BOK: variants seen among roughly 807,000 people sequenced by gnomAD.
The protein encoded by BOK is bcl-2-related ovarian killer protein.
BOK carries 20 observed loss-of-function variants against 18.3 expected under a neutral mutation model. That is an observed-to-expected ratio of 1.09 (90% confidence interval 0.77 to 1.59). The LOEUF (loss-of-function observed/expected upper bound fraction) is 1.59. BOK is among the 40% of genes most tolerant of loss of function. The pLI, the probability that BOK is intolerant of heterozygous loss-of-function variation, is 0.00. For missense variants in BOK, 348 were observed against 307.9 expected (o/e 1.13, Z -0.97); for synonymous variants, 173 against 142.4 (o/e 1.21, Z -1.53).
chr2:241,560,131 G>A (rs1318037074), intron 2 of BOK: 1 of 985,242 alleles, frequency 1.0e-6, no homozygotes, highest in Non-Finnish European at 1.2e-6. Context: ...GGCCTCCGAG[G>A]CCCCCCCATT....
intron 4 of BOK, 101 bp from the exon 5 acceptor site, chr2:241,572,196 A>G (rs1559207271): frequency 1.3e-6 from 2 of 1,520,298 alleles, no homozygotes; most frequent in East Asian, 2.3e-5. Flanking sequence ...CCTTCATGCA[A>G]TTTTGCTGAT....
chr2:241,564,264 A>T (rs1559202380), intron 3 of BOK, among the ~76,000 whole-genome samples: 1 of 152,036 alleles, frequency 6.6e-6, no homozygotes, highest in East Asian at 1.9e-4. Flanking sequence ...ACACCTGGGG[A>T]GGGGCAGTGA....
rs2066745137 is a variant in BOK at position 241,572,785 on chromosome 2, G to GAACAA, written c.*363_*364insAACAA. On this transcript the variant is annotated 3_prime_UTR_variant, in exon 5 of 5. Coordinates refer to ENST00000318407, the MANE Select transcript of BOK (RefSeq NM_032515.5). ...CCTGAGCCCCAGGTGAAGGGGCCCG[G>GAACAA]GAACACCTGCTCTCACCTGAGCCCC... 3.9e-6 allele frequency: 1 copy of GAACAA among 258,038 alleles called. No homozygotes were observed. Among genetic ancestry groups the GAACAA allele is most frequent in the Admixed American group, 4.8e-5 (1 of 20,824 alleles). 16.0% of individuals were successfully genotyped at this position (258,038 alleles called of 1,614,324 possible).
At chr2:241,560,565 G>A (rs1025844264) in intron 2 of BOK, among the ~76,000 whole-genome samples, 19 of 152,258 alleles carry the variant, frequency 1.2e-4, no homozygotes, top group Non-Finnish European at 2.1e-4. Context: ...TGGGCCCAGA[G>A]AGCAAAGCTG....
intron 2 of BOK, among the ~76,000 whole-genome samples, chr2:241,561,118 T>G (rs1465669187): frequency 1.3e-5 from 2 of 151,876 alleles, no homozygotes; most frequent in African/African-American, 4.8e-5. Context: ...TGCTTCCAGA[T>G]CTTAATTAAT....
chr2:241,560,339 C>A, intron 2 of BOK: 1 of 949,034 alleles, frequency 1.1e-6, no homozygotes, highest in Non-Finnish European at 1.3e-6. Context: ...CTGTGGCCGT[C>A]ACCTGGGAAT....
chr2:241,561,714 C>T (rs1410376920), intron 2 of BOK, among the ~76,000 whole-genome samples: 4 of 116,672 alleles, frequency 3.4e-5, no homozygotes, highest in East Asian at 2.7e-4. Flanking sequence ...CAGGTGGGAG[C>T]GTGGCAGTGC....
Position 241,570,511 on chromosome 2 carries a change from C to T in BOK, c.513+223C>T, listed in dbSNP as rs12997294. Among the ~76,000 whole-genome samples, 2 of 45,324 alleles carry T rather than the reference C, an allele frequency of 4.4e-5. No individual in the cohort carries two copies. The highest frequency in any genetic ancestry group is 9.0e-5 in the African/African-American group (1 of 11,078). The allele number at this position is 45,324 out of a possible 152,430, so 29.7% of individuals were successfully genotyped here. On this transcript the variant is annotated intron_variant, in intron 4 of 4. Transcript: ENST00000318407. The stretch of plus-strand genomic sequence containing the variant: ...GGTGCAGAGGTACGGGAGGGAGTGG[C>T]GGATGGGTGAGCCTCTGAGCGCCTG...
At chr2:241,564,064 G>C (rs1157635994) in intron 3 of BOK, among the ~76,000 whole-genome samples, 1 of 152,210 alleles carries the variant, frequency 6.6e-6, no homozygotes, top group Non-Finnish European at 1.5e-5. Flanking sequence ...GACAGAATCC[G>C]GCCTCTCCAG....
intron 3 of BOK, 66 bp from the exon 4 acceptor site, chr2:241,570,059 C>T: frequency 7.1e-6 from 11 of 1,543,422 alleles, no homozygotes; most frequent in Non-Finnish European, 9.6e-6. Context: ...AGAGGCCCAG[C>T]CCCTTCCTTA....
intron 1 of BOK, among the ~76,000 whole-genome samples, chr2:241,552,411 G>GCGCCATGCCGGTCCA (rs1307331082): frequency 1.3e-5 from 2 of 152,070 alleles, no homozygotes; most frequent in Admixed American, 1.3e-4. Context: ...TCTCCACGCC[G>GCGCCATGCCGGTCCA]CGCCATGCCG....
intron 1 of BOK, among the ~76,000 whole-genome samples, chr2:241,553,214 G>A (rs2066426955): frequency 6.6e-6 from 1 of 151,736 alleles, no homozygotes; most frequent in Non-Finnish European, 1.5e-5. Context: ...GCAGTGGCAC[G>A]ATCTCAGCTC....
intron 1 of BOK, among the ~76,000 whole-genome samples, chr2:241,552,413 G>A (rs547048910): frequency 6.9e-4 from 105 of 152,242 alleles, no homozygotes; most frequent in Admixed American, 2.3e-3. Flanking sequence ...TCCACGCCGC[G>A]CCATGCCGGT....
chr2:241,563,813 C>T (rs907378766), intron 3 of BOK, among the ~76,000 whole-genome samples: 3 of 152,040 alleles, frequency 2.0e-5, no homozygotes, highest in East Asian at 1.9e-4. Context: ...CACGGGGTGA[C>T]CCTCAGAGCC....
chr2:241,552,880 C>T (rs914302952), intron 1 of BOK, among the ~76,000 whole-genome samples: 10 of 152,168 alleles, frequency 6.6e-5, no homozygotes, highest in South Asian at 2.1e-4. Flanking sequence ...CGGGAGGTGA[C>T]GGAGGGGTGC....
At chr2:241,569,529 C>A (rs535770713) in intron 3 of BOK, among the ~76,000 whole-genome samples, 93 of 152,344 alleles carry the variant, frequency 6.1e-4, no homozygotes, top group African/African-American at 2.2e-3. Context: ...TTATAATTTT[C>A]TTTTGTGAAT....
chr2:241,559,758 G>A, intron 2 of BOK, 55 bp downstream of exon 2: 1 of 1,275,754 alleles, frequency 7.8e-7, no homozygotes, highest in Non-Finnish European at 9.9e-7. Context: ...CTGGGCCGCA[G>A]CCTCCCTCCG....
intron 3 of BOK, among the ~76,000 whole-genome samples, chr2:241,568,602 G>C (rs1002866687): frequency 6.6e-6 from 1 of 152,094 alleles, no homozygotes; most frequent in Non-Finnish European, 1.5e-5. Flanking sequence ...ATTTTTAGTA[G>C]AGATGGGGTT....
At chr2:241,571,169 C>A (rs1045461025) in intron 4 of BOK, among the ~76,000 whole-genome samples, 1 of 152,108 alleles carries the variant, frequency 6.6e-6, no homozygotes, top group Non-Finnish European at 1.5e-5. Context: ...GACTTACCCC[C>A]GATCCTACCC....
Sources: allele counts gnomAD v4.1 joint callset (sites outside exome capture counted in the v4.1 genomes callset), GRCh38; gene constraint gnomAD v4.1.1; transcripts MANE v1.5; gene names NCBI Gene and HGNC (gene_info 2026-07-23, HGNC 2026-07-21).